Variants in COG5 observed in about 807,000 individuals in gnomAD.
COG5 encodes the protein component of oligomeric golgi complex 5.
Under a neutral mutation model 110.4 loss-of-function variants are expected in COG5, and 86 were observed. That is an observed-to-expected ratio of 0.78 (90% CI 0.65 to 0.93). COG5 has a LOEUF of 0.93. Ranked by LOEUF, COG5 falls within the 40% of genes least tolerant of loss-of-function variation. COG5 has a pLI of 0.00. For synonymous variants in COG5, 360 were observed against 334.6 expected, an observed-to-expected ratio of 1.08 and a Z score of -0.83; for missense variants, 1,077 against 987.0, an observed-to-expected ratio of 1.09 and a Z score of -1.22.
Position 107,378,148 on chromosome 7 carries a change from A to G in COG5, c.670-5388T>C, listed in dbSNP as rs180946612. Among the ~76,000 whole-genome samples, 446 of 152,268 alleles carry G rather than the reference A, an allele frequency of 2.9e-3. 2 individuals carry two copies. The highest frequency in any genetic ancestry group is 4.4e-3 in the Non-Finnish European group (297 of 68,018). On this transcript the variant is annotated intron_variant, in intron 7 of 21. Transcript: ENST00000297135. ...CAAACAGGGTCTGGAGCGGACCTCCAGCAAACTCCAGCAGACCTGCAGCAG... is the reference window on the plus strand; with the variant it reads ...CAAACAGGGTCTGGAGCGGACCTCCGGCAAACTCCAGCAGACCTGCAGCAG...
At chr7:107,462,252 G>C (rs182626557) in intron 6 of COG5, among the ~76,000 whole-genome samples, 112 of 152,274 alleles carry the variant, frequency 7.4e-4, no homozygotes, top group African/African-American at 2.6e-3. Context: ...TTAATGAATT[G>C]CTAAAGGCTA....
chr7:107,490,063 T>C (rs1388060465), intron 6 of COG5, among the ~76,000 whole-genome samples: 1 of 152,202 alleles, frequency 6.6e-6, no homozygotes, highest in Non-Finnish European at 1.5e-5. Flanking sequence ...AATTCAATTA[T>C]ATGATGTAGT....
At chr7:107,366,922 T>C (rs1202804977) in intron 8 of COG5, among the ~76,000 whole-genome samples, 1 of 152,134 alleles carries the variant, frequency 6.6e-6, no homozygotes, top group Non-Finnish European at 1.5e-5. Flanking sequence ...ACCAACATTC[T>C]ACCAGTGGTA....
intron 10 of COG5, among the ~76,000 whole-genome samples, chr7:107,338,742 A>C (rs1476518005): frequency 1.3e-5 from 2 of 152,166 alleles, no homozygotes; most frequent in Admixed American, 1.3e-4. Context: ...GTTAATATCT[A>C]GAATATATAG....
chr7:107,467,216 T>G (rs1038451264), intron 6 of COG5, among the ~76,000 whole-genome samples: 4 of 152,202 alleles, frequency 2.6e-5, no homozygotes, highest in Non-Finnish European at 1.5e-5. Flanking sequence ...TCATATCTAG[T>G]GCTTAGTTAT....
At chr7:107,369,238 T>C (rs1813897995) in intron 8 of COG5, among the ~76,000 whole-genome samples, 1 of 152,228 alleles carries the variant, frequency 6.6e-6, no homozygotes, top group Non-Finnish European at 1.5e-5. Flanking sequence ...TGTATGTATC[T>C]GTAACTTTTT....
At chr7:107,257,177 G>T (rs951251399) in intron 15 of COG5, among the ~76,000 whole-genome samples, 1 of 152,012 alleles carries the variant, frequency 6.6e-6, no homozygotes, top group African/African-American at 2.4e-5. Flanking sequence ...AAAAATGTCA[G>T]CATTTCAATT....
At chr7:107,538,822 TAAA>T (rs1481654197) in intron 5 of COG5, among the ~76,000 whole-genome samples, 1 of 151,090 alleles carries the variant, frequency 6.6e-6, no homozygotes, top group Non-Finnish European at 1.5e-5. Context: ...TCAAAATAGT[TAAA>T]AAGTAGAAAC....
chr7:107,275,567 T>C (rs1277041590), intron 14 of COG5, among the ~76,000 whole-genome samples: 3 of 152,134 alleles, frequency 2.0e-5, no homozygotes, highest in Non-Finnish European at 2.9e-5. Context: ...ATTTATTTAA[T>C]TATTTTGAGA....
intron 8 of COG5, among the ~76,000 whole-genome samples, chr7:107,369,530 G>A (rs150080654): frequency 0.012 from 1,751 of 151,980 alleles, 33 homozygotes; most frequent in African/African-American, 0.041. Context: ...GGGATTACAG[G>A]CATGCGCCAC....
At chr7:107,525,646 G>A (rs1800674712) in intron 6 of COG5, among the ~76,000 whole-genome samples, 1 of 151,848 alleles carries the variant, frequency 6.6e-6, no homozygotes, top group South Asian at 2.1e-4. Context: ...TCTAACTTGT[G>A]GGCTCGAGTG....
At chr7:107,213,479 G>A (rs765190525) in intron 19 of COG5, among the ~76,000 whole-genome samples, 2 of 152,134 alleles carry the variant, frequency 1.3e-5, no homozygotes, top group Non-Finnish European at 2.9e-5. Flanking sequence ...CCAGCCTGCC[G>A]ACCTACCCAA....
chr7:107,202,001 C>T lies in COG5; in HGVS notation c.*1515G>A, dbSNP rs1324942368. 6.5e-6 allele frequency: 1 copy of T among 152,676 alleles called. No individual in the cohort carries two copies. Among genetic ancestry groups the T allele is most frequent in the Non-Finnish European group, 1.5e-5 (1 of 68,060 alleles). The allele number at this position is 152,676 out of a possible 1,614,324, so 9.5% of individuals were successfully genotyped here. A position where few individuals can be genotyped will look rare whatever the true frequency, so the allele number is the denominator to read the frequency against. The stretch of plus-strand genomic sequence containing the variant: ...CAGGTGGCTGGTGTTGGTGTCCCAG[C>T]CTAAGAGCCACCTGCTGCAGTTACC... On this transcript the variant is annotated 3_prime_UTR_variant, in exon 22 of 22. Transcript: ENST00000297135.
chr7:107,477,103 A>G (rs949948781), intron 6 of COG5, among the ~76,000 whole-genome samples: 1 of 151,714 alleles, frequency 6.6e-6, no homozygotes, highest in African/African-American at 2.4e-5. Flanking sequence ...TTGAAACCCC[A>G]AAGAGAAATT....
intron 7 of COG5, among the ~76,000 whole-genome samples, chr7:107,404,885 G>GAAAAAAAAA (rs59988899): frequency 6.2e-5 from 2 of 32,370 alleles, no homozygotes; most frequent in East Asian, 9.5e-4. Context: ...TTCAGAAGAT[G>GAAAAAAAAA]AAAAAAAAAA....
intron 17 of COG5, among the ~76,000 whole-genome samples, chr7:107,244,394 A>T (rs546195548): frequency 1.3e-5 from 2 of 152,354 alleles, no homozygotes; most frequent in East Asian, 3.9e-4. Context: ...TCAAATTAAC[A>T]ACCTAACTTT....
At chr7:107,485,836 T>C (rs1203219340) in intron 6 of COG5, among the ~76,000 whole-genome samples, 2 of 151,894 alleles carry the variant, frequency 1.3e-5, no homozygotes, top group Admixed American at 6.6e-5. Flanking sequence ...ATCATAAGAA[T>C]ATAAGTAAAG....
intron 6 of COG5, among the ~76,000 whole-genome samples, chr7:107,500,385 C>CA (rs1243268981): frequency 1.3e-5 from 2 of 152,162 alleles, no homozygotes; most frequent in African/African-American, 4.8e-5. Context: ...GCAGATGTTA[C>CA]TAATCTCTGT....
intron 13 of COG5, among the ~76,000 whole-genome samples, chr7:107,281,728 A>G (rs1041657515): frequency 6.6e-6 from 1 of 152,204 alleles, no homozygotes; most frequent in Non-Finnish European, 1.5e-5. Flanking sequence ...GAGGCATTGC[A>G]TATCACAGAC....
Sources: allele counts gnomAD v4.1 joint callset (sites outside exome capture counted in the v4.1 genomes callset), GRCh38; gene constraint gnomAD v4.1.1; transcripts MANE v1.5; gene names NCBI Gene and HGNC (gene_info 2026-07-23, HGNC 2026-07-21).